The following CCSER2 variants were observed in gnomAD, a reference collection of about 807,000 sequenced individuals.
CCSER2 encodes serine-rich coiled-coil domain-containing protein 2.
A neutral mutation model predicts 92.3 loss-of-function variants in CCSER2; 46 were observed. The observed-to-expected ratio is 0.50, with a 90% CI of 0.39 to 0.64. The LOEUF (loss-of-function observed/expected upper bound fraction) is 0.64. CCSER2 is among the 30% of genes least tolerant of loss of function. The pLI is 0.00. For synonymous variants in CCSER2, 433 were observed against 431.4 expected (o/e 1.00, Z -0.04); for missense variants, 1,244 against 1,238.9 (o/e 1.00, Z -0.06).
chr10:84,503,126 G>A (rs1238752863), intron 9 of CCSER2, among the ~76,000 whole-genome samples: 1 of 152,098 alleles, frequency 6.6e-6, no homozygotes, highest in African/African-American at 2.4e-5. Flanking sequence ...TACTCTGGAG[G>A]CTGAGGCAGG....
At chr10:84,509,407 T>C (rs759722842) in intron 9 of CCSER2, among the ~76,000 whole-genome samples, 3 of 152,224 alleles carry the variant, frequency 2.0e-5, no homozygotes, top group Non-Finnish European at 2.9e-5. Context: ...GGTACATGCC[T>C]GAAAGGAGCT....
At chr10:84,372,984 A>G (rs1230738837) in intron 2 of CCSER2, among the ~76,000 whole-genome samples, 3 of 152,160 alleles carry the variant, frequency 2.0e-5, no homozygotes, top group East Asian at 3.8e-4. Flanking sequence ...ATTAAACTGA[A>G]GAAAGTGAAA....
intron 4 of CCSER2, among the ~76,000 whole-genome samples, chr10:84,419,220 T>C (rs746558903): frequency 6.6e-6 from 1 of 152,052 alleles, no homozygotes; most frequent in African/African-American, 2.4e-5. Context: ...TCCATCTACA[T>C]TGTCTAAATA....
At chr10:84,458,906 GT>G in intron 6 of CCSER2, among the ~76,000 whole-genome samples, 1 of 151,688 alleles carries the variant, frequency 6.6e-6, no homozygotes, top group African/African-American at 2.4e-5. Context: ...ATAAATGGTA[GT>G]TTTTTTTAAA....
intron 9 of CCSER2, among the ~76,000 whole-genome samples, chr10:84,486,318 C>T (rs565941932): frequency 6.6e-6 from 1 of 152,340 alleles, no homozygotes; most frequent in South Asian, 2.1e-4. Flanking sequence ...GGAATCACTA[C>T]ACTATCTTCC....
intron 1 of CCSER2, among the ~76,000 whole-genome samples, chr10:84,331,328 G>A (rs1843551725): frequency 6.6e-6 from 1 of 152,122 alleles, no homozygotes; most frequent in Admixed American, 6.5e-5. Flanking sequence ...GCCACTCCTA[G>A]GGACTTAGAA....
intron 9 of CCSER2, among the ~76,000 whole-genome samples, chr10:84,483,093 T>C (rs183632821): frequency 7.9e-6 from 1 of 127,210 alleles, no homozygotes; most frequent in Admixed American, 8.7e-5. Flanking sequence ...TGGAATATGG[T>C]CAGCATTGTC....
At chr10:84,489,563 C>G (rs1280748231) in intron 9 of CCSER2, among the ~76,000 whole-genome samples, 2 of 152,088 alleles carry the variant, frequency 1.3e-5, no homozygotes, top group African/African-American at 2.4e-5. Flanking sequence ...ATTGCAACCC[C>G]TAACTTTTTT....
intron 5 of CCSER2, among the ~76,000 whole-genome samples, chr10:84,437,736 G>C (rs550034018): frequency 5.4e-5 from 7 of 129,396 alleles, no homozygotes; most frequent in Non-Finnish European, 1.1e-4. Flanking sequence ...TTTTTGAGAC[G>C]GAGTCTCACT....
rs556728657 is a variant in CCSER2, at chr10:84,372,031, C to T, written c.979C>T (p.Arg327Ter). The T allele has an allele frequency of 1.2e-6, 2 of 1,613,780 alleles. No individual in the cohort carries two copies. Among genetic ancestry groups the T allele is most frequent in the African/African-American group, 2.7e-5 (2 of 75,008 alleles). ...TCATCCCTCTCTACTGAAATCTAGC[C>T]GATCTCCATTTTCTGGGACTATGAC... ...MVHPSLLKSSRSPFSGTMTVD... is the reference protein window; with the variant it reads ...MVHPSLLKSS The change falls in exon 2 of 10, where the codon CGA becomes TGA. Residue 327 changes from arginine (R) to a stop codon, truncating the protein, a stop_gained. Coordinates refer to ENST00000372088, the MANE Select transcript of CCSER2 (RefSeq NM_001284240.2). LOFTEE classifies it high-confidence loss of function.
At chr10:84,513,184 A>G (rs533737783) in intron 9 of CCSER2, among the ~76,000 whole-genome samples, 5 of 152,298 alleles carry the variant, frequency 3.3e-5, no homozygotes, top group South Asian at 4.1e-4. Context: ...TCTATAATAA[A>G]TTAGTACTTT....
chr10:84,418,355 GAGGCTTTAGGTA>G (rs1231303369), intron 4 of CCSER2, among the ~76,000 whole-genome samples: 1 of 152,162 alleles, frequency 6.6e-6, no homozygotes, highest in African/African-American at 2.4e-5. Flanking sequence ...CTGCTGGGGT[GAGGCTTTAGGTA>G]ATCCATATGG....
chr10:84,377,919 C>G (rs1026519417), intron 3 of CCSER2, among the ~76,000 whole-genome samples: 1 of 152,048 alleles, frequency 6.6e-6, no homozygotes, highest in African/African-American at 2.4e-5. Flanking sequence ...GTATATTGGA[C>G]TTTTCTAATA....
chr10:84,418,629 T>G (rs1842991031), intron 4 of CCSER2, among the ~76,000 whole-genome samples: 1 of 152,180 alleles, frequency 6.6e-6, no homozygotes, highest in Non-Finnish European at 1.5e-5. Flanking sequence ...CTTTTATCCA[T>G]GGTGCTAGAA....
intron 7 of CCSER2, among the ~76,000 whole-genome samples, chr10:84,465,239 TTGTGTGTGTGTG>T (rs59254139): frequency 0.096 from 10,274 of 106,694 alleles, 668 homozygotes; most frequent in Middle Eastern, 0.13. Context: ...TTTCCTGAAT[TTGTGTGTGTGTG>T]TGTGTGTGTG....
intron 3 of CCSER2, among the ~76,000 whole-genome samples, chr10:84,411,572 T>C (rs1842651820): frequency 6.6e-6 from 1 of 152,146 alleles, no homozygotes; most frequent in African/African-American, 2.4e-5. Flanking sequence ...TTGTGGCAGT[T>C]ATGAATGGGA....
At chr10:84,366,382 G>A (rs1845777360) in intron 1 of CCSER2, among the ~76,000 whole-genome samples, 1 of 152,066 alleles carries the variant, frequency 6.6e-6, no homozygotes, top group Admixed American at 6.6e-5. Context: ...TAAAAGTTGA[G>A]GATCTATTAA....
chr10:84,391,687 A>G lies in CCSER2; in HGVS notation c.1614+17872A>G, dbSNP rs1841526621. ...CACCAAAGACATTGTTAGAGAATAC[A>G]GCAATAACGATTGGTCGTCTTGGTT... On this transcript the variant is annotated intron_variant, in intron 3 of 9. Coordinates refer to ENST00000372088, the MANE Select transcript of CCSER2 (RefSeq NM_001284240.2). The G allele has an allele frequency of 5.2e-6, 8 of 1,523,876 alleles. No homozygotes were observed. The East Asian group carries it at 1.1e-4, about 21-fold the overall frequency. The allele number at this position is 1,523,876 out of a possible 1,614,324, so 94.4% of individuals were successfully genotyped here.
At chr10:84,435,226 G>A (rs944453459) in intron 5 of CCSER2, among the ~76,000 whole-genome samples, 9 of 152,176 alleles carry the variant, frequency 5.9e-5, no homozygotes, top group African/African-American at 2.2e-4. Context: ...GCTAGTTACT[G>A]TCAGATAGGA....
Sources: gnomAD v4.1 joint callset for allele counts (sites outside exome capture counted in the v4.1 genomes callset) on GRCh38, gnomAD v4.1.1 for gene constraint, MANE v1.5 for transcripts, NCBI Gene and HGNC (gene_info 2026-07-23, HGNC 2026-07-21) for gene names.